Variants in GIMAP8 observed in about 807,000 individuals in gnomAD.
GIMAP8 encodes GTPase IMAP family member 8.
GIMAP8 carries 29 observed loss-of-function variants against 35.6 expected under a neutral mutation model. The observed-to-expected ratio is 0.81, with a 90% confidence interval of 0.61 to 1.11. GIMAP8 has a LOEUF of 1.11. GIMAP8 is among the 50% of genes most tolerant of loss of function. The probability of loss-of-function intolerance (pLI) is 0.00; values close to 1 mark genes in which losing one functional copy is unlikely to be tolerated. For missense variants in GIMAP8, 811 were observed against 805.0 expected (o/e 1.01, Z -0.09); for synonymous variants, 335 against 308.7 (o/e 1.09, Z -0.89).
chr7:150,466,081 C>A (rs1801950303), intron 1 of GIMAP8, among the ~76,000 whole-genome samples: 1 of 152,170 alleles, frequency 6.6e-6, no homozygotes, highest in South Asian at 2.1e-4. Context: ...GCACTGGGTG[C>A]ATCACGAGTC....
rs1471315744 is a variant in GIMAP8 at position 150,453,229 on chromosome 7, A to G, written c.-29+2054A>G. ...GTGAGAGCTTCTCTCCATAGGGTGT[A>G]TCTGGGTGAAAGATGCTCTTAGAAG... On this transcript the variant is annotated intron_variant, in intron 1 of 4. Transcript: ENST00000307271. Among the ~76,000 whole-genome samples, 3 of 152,350 alleles carry G rather than the reference A, an allele frequency of 2.0e-5. No individual in the cohort carries two copies. The South Asian group carries it at 6.2e-4, about 32-fold the overall frequency.
chr7:150,469,348 C>T (rs1802038489), intron 2 of GIMAP8, among the ~76,000 whole-genome samples: 1 of 152,156 alleles, frequency 6.6e-6, no homozygotes, highest in Non-Finnish European at 1.5e-5. Context: ...TTGGAATGAG[C>T]CCCACAGCTT....
rs1429623597 is a variant in GIMAP8 at position 150,451,498 on chromosome 7, G to T, written c.-29+323G>T. 6.6e-6 allele frequency among the ~76,000 whole-genome samples: 1 copy of T among 152,164 alleles called. No homozygotes were observed. The highest frequency in any genetic ancestry group is 1.5e-5 in the Non-Finnish European group (1 of 68,024). On this transcript the variant is annotated intron_variant, in intron 1 of 4. Coordinates refer to ENST00000307271, the MANE Select transcript of GIMAP8 (RefSeq NM_175571.4). This position sits in a 1 kb window ranked among gnomAD's most constrained non-coding sequence, Gnocchi z 4.1. ...TAGATTCGGCAGGATGGGGACAGAGGCATATTCCCAGACATCTATGAGAGT... is the reference window on the plus strand; with the variant it reads ...TAGATTCGGCAGGATGGGGACAGAGTCATATTCCCAGACATCTATGAGAGT...
At chr7:150,468,416 G>A (rs1488529249) in intron 2 of GIMAP8, among the ~76,000 whole-genome samples, 1 of 152,222 alleles carries the variant, frequency 6.6e-6, no homozygotes, top group Non-Finnish European at 1.5e-5. Flanking sequence ...CTGGCTGAGT[G>A]TGAGGGGGAT....
intron 1 of GIMAP8, among the ~76,000 whole-genome samples, chr7:150,458,706 C>A (rs910580990): frequency 2.2e-4 from 33 of 152,228 alleles, no homozygotes; most frequent in African/African-American, 7.7e-4. Context: ...CTGATATGCA[C>A]TAATTCCTTC....
chr7:150,477,110 T>C lies in GIMAP8; in HGVS notation c.1328T>C (p.Leu443Pro), dbSNP rs1423197632. ...TTGACAGAAACCCTGAACATTGTCC[T>C]TGTGGGGAGAAGCGGGACTGGGAAG... The part of the protein sequence containing the change: ...FREKETLNIV[L>P]VGRSGTGKSA... The change falls in exon 5 of 5, where the codon CTT becomes CCT. Residue 443 changes from leucine to proline, a missense_variant. Coordinates refer to ENST00000307271, the MANE Select transcript of GIMAP8 (RefSeq NM_175571.4). 1 of 1,605,418 alleles carries C rather than the reference T, an allele frequency of 6.2e-7. No individual in the cohort carries two copies. Among genetic ancestry groups the C allele is most frequent in the Non-Finnish European group, 8.5e-7 (1 of 1,172,696 alleles).
At chr7:150,471,707 C>T (rs144533058) in intron 3 of GIMAP8, among the ~76,000 whole-genome samples, 35 of 152,016 alleles carry the variant, frequency 2.3e-4, no homozygotes, top group Admixed American at 1.0e-3. Flanking sequence ...CATGGTAGTG[C>T]GTGCCTGTCG....
chr7:150,473,110 CAG>C lies in GIMAP8; in HGVS notation c.683-900_683-899del, dbSNP rs1422038458. Among the ~76,000 whole-genome samples, 7 of 152,284 alleles carry C rather than the reference CAG, an allele frequency of 4.6e-5. No homozygotes were observed. In the South Asian group the frequency reaches 1.5e-3, roughly 32 times the overall value. On this transcript the variant is annotated intron_variant, in intron 3 of 4. Transcript: ENST00000307271. ...CATCCCACCTTCCCAACTTGCTGCT[CAG>C]ACCCTTCCCACGAAGGCTGTTGATG...
intron 1 of GIMAP8, among the ~76,000 whole-genome samples, chr7:150,455,170 A>G (rs1801703047): frequency 6.6e-6 from 1 of 151,488 alleles, no homozygotes. Context: ...AAAACAAAAA[A>G]CTGGTCAACA....
intron 1 of GIMAP8, among the ~76,000 whole-genome samples, chr7:150,463,532 T>C (rs544854607): frequency 6.6e-6 from 1 of 152,308 alleles, no homozygotes; most frequent in South Asian, 2.1e-4. Context: ...CTAGTGTTGA[T>C]TGGGTAGGGT....
rs1203657998 is a variant in GIMAP8 at position 150,466,918 on chromosome 7, G to T, written c.220G>T (p.Ala74Ser). 1.9e-6 allele frequency: 3 copies of T among 1,614,118 alleles called. No individual in the cohort carries two copies. Among genetic ancestry groups the T allele is most frequent in the Non-Finnish European group, 2.5e-6 (3 of 1,180,052 alleles). ...IDTPDLFSSIACAEDKQRNIQ... is the reference protein window; with the variant it reads ...IDTPDLFSSISCAEDKQRNIQ... Reference sequence around the variant, plus strand: ...CACCCCTGACCTTTTCTCCTCAATAGCTTGTGCTGAAGACAAGCAACGCAA... The same window carrying T: ...CACCCCTGACCTTTTCTCCTCAATATCTTGTGCTGAAGACAAGCAACGCAA... Residue 74 changes from alanine to serine, a missense_variant, in exon 2 of 5, where the codon GCT (alanine) becomes TCT (serine). Physicochemically the swap from Ala to Ser is moderately conservative, Grantham distance 99. Transcript: ENST00000307271.
At chr7:150,453,166 G>A (rs1021635752) in intron 1 of GIMAP8, among the ~76,000 whole-genome samples, 12 of 152,172 alleles carry the variant, frequency 7.9e-5, no homozygotes, top group African/African-American at 2.9e-4. Flanking sequence ...TCAATGTTAT[G>A]AAGAAAATTG....
intron 1 of GIMAP8, among the ~76,000 whole-genome samples, chr7:150,463,960 C>A (rs573180929): frequency 2.4e-4 from 37 of 152,302 alleles, no homozygotes; most frequent in Admixed American, 2.2e-3. Context: ...AGCCCTTAGA[C>A]CCCCAAGTGG....
rs754277049 is a variant in GIMAP8, at chr7:150,467,012, A to G, written c.314A>G (p.His105Arg). The change falls in exon 2 of 5, where the codon CAT becomes CGT. Residue 105 changes from histidine (H) to arginine (R), a missense_variant. Physicochemically the swap from His to Arg is conservative, Grantham distance 29. Coordinates refer to ENST00000307271, the MANE Select transcript of GIMAP8 (RefSeq NM_175571.4). ...HALLLVIAIGHFTREDEETAK... is the reference protein window; with the variant it reads ...HALLLVIAIGRFTREDEETAK... ...CTGCTCTTGGTAATTGCCATCGGCC[A>G]TTTCACAAGGGAGGATGAGGAAACA... 10 of 1,614,206 alleles carry G rather than the reference A, an allele frequency of 6.2e-6. No individual in the cohort carries two copies. The highest frequency in any genetic ancestry group is 8.5e-6 in the Non-Finnish European group (10 of 1,180,036).
intron 1 of GIMAP8, among the ~76,000 whole-genome samples, chr7:150,458,404 T>C (rs1801775605): frequency 6.6e-6 from 1 of 152,308 alleles, no homozygotes; most frequent in East Asian, 1.9e-4. Flanking sequence ...CTTCAACTGA[T>C]TGGATGAGGC....
chr7:150,462,269 T>A (rs1801858958), intron 1 of GIMAP8, among the ~76,000 whole-genome samples: 2 of 152,252 alleles, frequency 1.3e-5, no homozygotes. Flanking sequence ...TCTGGATGTA[T>A]ATGTGCATGT....
chr7:150,454,832 T>C (rs996991295), intron 1 of GIMAP8, among the ~76,000 whole-genome samples: 5 of 152,108 alleles, frequency 3.3e-5, no homozygotes, highest in African/African-American at 1.2e-4. Context: ...TACTTGAAAT[T>C]AGAACATATT....
chr7:150,453,895 C>G (rs1318902271), intron 1 of GIMAP8, among the ~76,000 whole-genome samples: 1 of 151,498 alleles, frequency 6.6e-6, no homozygotes, highest in Non-Finnish European at 1.5e-5. Context: ...GAGGGGTGGA[C>G]AGCTCTTAGG....
chr7:150,459,003 T>G (rs751949994), intron 1 of GIMAP8, among the ~76,000 whole-genome samples: 1 of 152,204 alleles, frequency 6.6e-6, no homozygotes, highest in Non-Finnish European at 1.5e-5. Flanking sequence ...CCATGCTATT[T>G]TCCCTTTACC....
Sources: allele counts gnomAD v4.1 joint callset (sites outside exome capture counted in the v4.1 genomes callset), GRCh38; gene constraint gnomAD v4.1.1; non-coding constraint Gnocchi (gnomAD v3.1); transcripts MANE v1.5; gene names NCBI Gene and HGNC (gene_info 2026-07-23, HGNC 2026-07-21).